The following LCORL variants were observed in gnomAD, a reference collection of about 807,000 sequenced individuals.
The protein encoded by LCORL is ligand-dependent nuclear receptor corepressor-like protein.
Under a neutral mutation model 141.8 loss-of-function variants are expected in LCORL, and 41 were observed. The observed-to-expected ratio is 0.29, with a 90% CI of 0.23 to 0.38. The LOEUF (loss-of-function observed/expected upper bound fraction) is 0.38. Among genes scored for constraint, LCORL ranks in the 10% least tolerant of loss-of-function variants. The pLI is 1.00. For synonymous variants in LCORL, 618 were observed against 694.1 expected, an observed-to-expected ratio of 0.89 and a Z score of 1.72; for missense variants, 1,759 against 2,035.0, an observed-to-expected ratio of 0.86 and a Z score of 2.61.
chr4:17,991,690 T>C (rs1720038094), intron 1 of LCORL, among the ~76,000 whole-genome samples: 1 of 152,078 alleles, frequency 6.6e-6, no homozygotes, highest in African/African-American at 2.4e-5. Context: ...GTAAATAAAA[T>C]ACAGTCACCA....
At chr4:17,891,787 G>A (rs1729115810) in intron 5 of LCORL, among the ~76,000 whole-genome samples, 1 of 152,078 alleles carries the variant, frequency 6.6e-6, no homozygotes, top group East Asian at 1.9e-4. Context: ...ATGAAATATA[G>A]AATAAACTGT....
exon 8 of LCORL, chr4:17,842,405 TGGA>T: frequency 6.3e-7 from 1 of 1,582,464 alleles, no homozygotes; most frequent in South Asian, 1.1e-5. Context: ...CTAGAATATA[TGGA>T]GGCCTATCTT....
At chr4:17,867,263 CTTAT>C (rs1725789281) in intron 7 of LCORL, among the ~76,000 whole-genome samples, 2 of 152,046 alleles carry the variant, frequency 1.3e-5, no homozygotes, top group African/African-American at 4.8e-5. Context: ...AAGCCAACAA[CTTAT>C]TTTTTATTTT....
intron 4 of LCORL, among the ~76,000 whole-genome samples, chr4:17,957,194 G>A (rs1264933840): frequency 6.6e-6 from 1 of 151,908 alleles, no homozygotes; most frequent in Non-Finnish European, 1.5e-5. Context: ...CAAAAAGCCT[G>A]GTAGAGACAA....
At chr4:17,859,071 AGTG>A (rs1211187862) in intron 7 of LCORL, among the ~76,000 whole-genome samples, 1 of 152,182 alleles carries the variant, frequency 6.6e-6, no homozygotes, top group African/African-American at 2.4e-5. Flanking sequence ...GTGGTGTGAA[AGTG>A]ATAGGCATTT....
chr4:17,890,375 T>A (rs1728901810), intron 5 of LCORL, among the ~76,000 whole-genome samples: 1 of 152,068 alleles, frequency 6.6e-6, no homozygotes, highest in African/African-American at 2.4e-5. Context: ...TACAGATACA[T>A]AAATAGGTGG....
chr4:18,009,880 C>G (rs897548637), intron 1 of LCORL, among the ~76,000 whole-genome samples: 1 of 152,126 alleles, frequency 6.6e-6, no homozygotes, highest in Non-Finnish European at 1.5e-5. Context: ...TTCTGAGATC[C>G]CACTCCTCTT....
At chr4:18,019,465 A>G (rs1577761431) in intron 1 of LCORL, among the ~76,000 whole-genome samples, 1 of 152,344 alleles carries the variant, frequency 6.6e-6, no homozygotes, top group Middle Eastern at 3.4e-3. Context: ...CATACGATAC[A>G]ATGTAATCAC....
At chr4:17,990,151 TGCAGTG>T (rs1719726978) in intron 1 of LCORL, among the ~76,000 whole-genome samples, 1 of 142,156 alleles carries the variant, frequency 7.0e-6, no homozygotes, top group Admixed American at 7.6e-5. Context: ...CAGGCTGGAG[TGCAGTG>T]GCACGATCTC....
At chr4:17,980,002 C>G (rs1717675171) in intron 1 of LCORL, among the ~76,000 whole-genome samples, 1 of 152,166 alleles carries the variant, frequency 6.6e-6, no homozygotes, top group Admixed American at 6.6e-5. Flanking sequence ...TGCCAGCAGC[C>G]TGTAAAAGCT....
At chr4:17,926,379 T>C (rs1735151697) in intron 4 of LCORL, among the ~76,000 whole-genome samples, 1 of 152,200 alleles carries the variant, frequency 6.6e-6, no homozygotes, top group Non-Finnish European at 1.5e-5. Flanking sequence ...GTGGAAAAAT[T>C]AGTCTGGCTA....
At position 17,843,110 on chromosome 4, in the gene LCORL, C is replaced by CTGAT. The variant is rs567015478; in HGVS notation, c.*2774_*2777dup. The CTGAT allele has an allele frequency of 1.8e-3, 888 of 496,362 alleles. 6 individuals carry two copies. Among genetic ancestry groups the CTGAT allele is most frequent in the African/African-American group, 0.016 (822 of 51,404 alleles). 30.7% of individuals were successfully genotyped at this position (496,362 alleles called of 1,614,324 possible). On this transcript the variant is annotated 3_prime_UTR_variant, in exon 8 of 8. Transcript: ENST00000635767. Reference sequence around the variant, plus strand: ...TATAAAATCATTAGCTAGATTTTCCCTGATTCACTTTGCTAGATAGCCAAG... The same window carrying CTGAT: ...TATAAAATCATTAGCTAGATTTTCCCTGATTGATTCACTTTGCTAGATAGCCAAG...
At chr4:17,949,536 T>A (rs1285595428) in intron 4 of LCORL, among the ~76,000 whole-genome samples, 1 of 152,092 alleles carries the variant, frequency 6.6e-6, no homozygotes, top group Non-Finnish European at 1.5e-5. Context: ...AGTTAGTAAC[T>A]TTAAATCAAG....
At chr4:18,007,808 A>G (rs545284356) in intron 1 of LCORL, among the ~76,000 whole-genome samples, 147 of 152,292 alleles carry the variant, frequency 9.7e-4, no homozygotes, top group African/African-American at 3.4e-3. Context: ...GTGGGCTCAG[A>G]CTGTTAAGAG....
exon 7 of LCORL, chr4:17,875,923 G>A: frequency 1.6e-6 from 2 of 1,231,174 alleles, no homozygotes; most frequent in Non-Finnish European, 2.0e-6. Flanking sequence ...GTATCATAAT[G>A]ACTGGAGTGA....
At chr4:17,889,590 C>T (rs1728793197) in intron 5 of LCORL, among the ~76,000 whole-genome samples, 1 of 151,880 alleles carries the variant, frequency 6.6e-6, no homozygotes, top group South Asian at 2.1e-4. Flanking sequence ...TACTATTTTG[C>T]TGATAGCATG....
exon 7 of LCORL, chr4:17,873,881 T>C: frequency 1.6e-6 from 2 of 1,234,024 alleles, no homozygotes; most frequent in Non-Finnish European, 2.0e-6. Context: ...TTTGAAAGTC[T>C]TTTTGGCTGC....
chr4:17,869,075 A>C (rs1056456499), intron 7 of LCORL, among the ~76,000 whole-genome samples: 1 of 138,266 alleles, frequency 7.2e-6, no homozygotes, highest in Non-Finnish European at 1.5e-5. Context: ...GAGAAAAGTG[A>C]CCCTTTTGGC....
At chr4:17,909,293 C>T (rs1368896292) in exon 5 of LCORL, 1 of 1,610,384 alleles carries the variant, frequency 6.2e-7, no homozygotes, top group Admixed American at 1.7e-5. Flanking sequence ...TCATCTTTTT[C>T]ATTAATTCCT....
Sources: gnomAD v4.1 joint callset for allele counts (sites outside exome capture counted in the v4.1 genomes callset) on GRCh38, gnomAD v4.1.1 for gene constraint, MANE v1.5 for transcripts, NCBI Gene and HGNC (gene_info 2026-07-23, HGNC 2026-07-21) for gene names.